The following ACTN1 variants were observed in gnomAD, a reference collection of about 807,000 sequenced individuals.
ACTN1 encodes the protein alpha-actinin-1.
In ACTN1, 30 loss-of-function variants were observed where a neutral mutation model predicts 119.6. That is an observed-to-expected ratio of 0.25 (90% CI 0.19 to 0.34). The LOEUF is 0.34. Among genes scored for constraint, ACTN1 ranks in the 10% least tolerant of loss-of-function variants. The pLI is 1.00. For missense variants in ACTN1, 764 were observed against 1,223.4 expected, an observed-to-expected ratio of 0.62 and a Z score of 5.60; for synonymous variants, 429 against 472.6, an observed-to-expected ratio of 0.91 and a Z score of 1.20.
At chr14:68,969,978 G>T (rs1300016555) in intron 1 of ACTN1, among the ~76,000 whole-genome samples, 2 of 152,080 alleles carry the variant, frequency 1.3e-5, no homozygotes, top group African/African-American at 4.8e-5. Flanking sequence ...CAGATGATTT[G>T]AAAATAGAGC....
chr14:68,977,119 G>A (rs1374354814), intron 1 of ACTN1, among the ~76,000 whole-genome samples: 2 of 152,170 alleles, frequency 1.3e-5, no homozygotes, highest in African/African-American at 4.8e-5. Flanking sequence ...CAAAGCAGGT[G>A]CTCCCTAAGC....
At chr14:68,929,381 C>A (rs1050701205) in intron 1 of ACTN1, among the ~76,000 whole-genome samples, 1 of 152,118 alleles carries the variant, frequency 6.6e-6, no homozygotes, top group Non-Finnish European at 1.5e-5. Context: ...CCAGCCTGGA[C>A]GCCCAGCGTG....
chr14:68,944,928 C>T (rs973742041), intron 1 of ACTN1, among the ~76,000 whole-genome samples: 1 of 148,690 alleles, frequency 6.7e-6, no homozygotes, highest in Non-Finnish European at 1.5e-5. Flanking sequence ...TCACCCTATG[C>T]GTGTGTGGAG....
At chr14:68,966,172 A>G (rs1405690887) in intron 1 of ACTN1, among the ~76,000 whole-genome samples, 2 of 152,186 alleles carry the variant, frequency 1.3e-5, no homozygotes, top group Non-Finnish European at 2.9e-5. Context: ...AGCTGAGATC[A>G]TGCCACTGCA....
chr14:68,971,942 C>CA (rs2036901595), intron 1 of ACTN1, among the ~76,000 whole-genome samples: 1 of 152,308 alleles, frequency 6.6e-6, no homozygotes, highest in African/African-American at 2.4e-5. Flanking sequence ...AGGCAACCTC[C>CA]AAGAGTGGTA....
At chr14:68,961,047 G>A (rs975336104) in intron 1 of ACTN1, among the ~76,000 whole-genome samples, 2 of 152,138 alleles carry the variant, frequency 1.3e-5, no homozygotes, top group South Asian at 4.2e-4. Flanking sequence ...GCCAGCCTGG[G>A]TAACAGAGTG....
At position 68,877,200 on chromosome 14, in the gene ACTN1, G is replaced by C; in HGVS notation, c.2468C>G (p.Pro823Arg). ...EFARIMSIVDPNRLGVVTFQA... is the reference protein window; with the variant it reads ...EFARIMSIVDRNRLGVVTFQA... ...GAATGTCACTACCCCCAGGCGGTTG[G>C]GGTCCACAATGCTCATGATGCGGGC... The change falls in exon 21 of 22, where the codon CCC (proline) becomes CGC (arginine). Residue 823 changes from proline (P) to arginine (R), a missense_variant. Around this residue, in one of 4 missense-constraint regions of ACTN1, gnomAD observed 544 missense variants for 912.0 expected, o/e 0.60. Transcript: ENST00000394419. The C allele has an allele frequency of 6.2e-7, 1 of 1,614,170 alleles. No homozygotes were observed. The highest frequency in any genetic ancestry group is 8.5e-7 in the Non-Finnish European group (1 of 1,180,024).
chr14:68,921,925 T>C (rs2034672077), intron 2 of ACTN1, among the ~76,000 whole-genome samples: 1 of 152,092 alleles, frequency 6.6e-6, no homozygotes, highest in Non-Finnish European at 1.5e-5. Context: ...GGTCAGAACC[T>C]TTGAGAAAAT....
At chr14:68,897,131 T>C (rs58940034) in intron 8 of ACTN1, among the ~76,000 whole-genome samples, 21,909 of 152,056 alleles carry the variant, frequency 0.14, 1,798 homozygotes, top group African/African-American at 0.21. Flanking sequence ...TACAGGTGCA[T>C]GCGCCACTAT....
Position 68,979,104 on chromosome 14 carries a change from C to A in ACTN1, c.-48G>T. On this transcript the variant is annotated 5_prime_UTR_variant, in exon 1 of 22. Coordinates refer to ENST00000394419, the MANE Select transcript of ACTN1 (RefSeq NM_001130004.2). ...CTGGATTTCTTCCTCCACCTTCTCT[C>A]TGAGCAACGGCTGCTGCCCTGGCGT... is the stretch of plus-strand genomic sequence containing the variant. 7.6e-7 allele frequency: 1 copy of A among 1,322,806 alleles called. No individual in the cohort carries two copies. The highest frequency in any genetic ancestry group is 1.2e-5 in the South Asian group (1 of 81,782). The allele number at this position is 1,322,806 out of a possible 1,614,324, so 81.9% of individuals were successfully genotyped here. A position where few individuals can be genotyped will look rare whatever the true frequency, so the allele number is the denominator to read the frequency against.
At chr14:68,956,020 C>G (rs1456782164) in intron 1 of ACTN1, among the ~76,000 whole-genome samples, 2 of 152,114 alleles carry the variant, frequency 1.3e-5, no homozygotes, top group Non-Finnish European at 2.9e-5. Flanking sequence ...CAGCTGGAGC[C>G]AGGCACAGTG....
Position 68,884,872 on chromosome 14 carries a change from T to C in ACTN1, c.1397A>G (p.Tyr466Cys), listed in dbSNP as rs762425067. 7 of 1,613,634 alleles carry C rather than the reference T, an allele frequency of 4.3e-6. No individual in the cohort carries two copies. Among genetic ancestry groups the C allele is most frequent in the Admixed American group, 3.3e-5 (2 of 60,024 alleles). ...GGCGTTGACACTGGGTGAGTCATAATAGTCCAGCTCACTGGGGAGGGAAGA... is the reference window on the plus strand; with the variant it reads ...GGCGTTGACACTGGGTGAGTCATAACAGTCCAGCTCACTGGGGAGGGAAGA... ...AIAQELNELD[Y>C]YDSPSVNARC... Residue 466 changes from tyrosine (Y) to cysteine (C), a missense_variant, in exon 13 of 22, where the codon TAT (tyrosine) becomes TGT (cysteine). Tyr to Cys is a radical substitution (Grantham distance 194). Coordinates refer to ENST00000394419, the MANE Select transcript of ACTN1 (RefSeq NM_001130004.2).
chr14:68,963,975 G>A (rs188971943), intron 1 of ACTN1, among the ~76,000 whole-genome samples: 9 of 152,282 alleles, frequency 5.9e-5, no homozygotes, highest in Admixed American at 5.9e-4. Flanking sequence ...TGGATAAAGA[G>A]AGAAATCAGA....
In ACTN1 at chr14:68,909,705, T is replaced by C. The variant is rs1315142326; in HGVS notation, c.515+250A>G. ...GGCTGGGACTTCCTGGACAATTTCC[T>C]TGGGGGCGCTCCCAGTAGCAAAAGC... On this transcript the variant is annotated intron_variant, in intron 5 of 21. Coordinates refer to ENST00000394419, the MANE Select transcript of ACTN1 (RefSeq NM_001130004.2). The surrounding 1 kb of genome is among the most constrained non-coding windows in gnomAD (Gnocchi z 4.1). Among the ~76,000 whole-genome samples the C allele has an allele frequency of 6.6e-6, 1 of 152,158 alleles. No homozygotes were observed. Among genetic ancestry groups the C allele is most frequent in the Admixed American group, 6.5e-5 (1 of 15,272 alleles).
At chr14:68,938,124 G>A (rs1454792432) in intron 1 of ACTN1, among the ~76,000 whole-genome samples, 1 of 152,108 alleles carries the variant, frequency 6.6e-6, no homozygotes, top group Non-Finnish European at 1.5e-5. Flanking sequence ...ACTTATCAGG[G>A]GCTGACTGCC....
intron 8 of ACTN1, among the ~76,000 whole-genome samples, chr14:68,895,133 G>T (rs914775260): frequency 6.6e-6 from 1 of 152,054 alleles, no homozygotes; most frequent in East Asian, 1.9e-4. Flanking sequence ...TGTCAGAATG[G>T]GTTGGGAGAA....
intron 1 of ACTN1, among the ~76,000 whole-genome samples, chr14:68,968,264 C>T (rs1349466133): frequency 4.6e-5 from 7 of 152,194 alleles, no homozygotes; most frequent in Admixed American, 2.0e-4. Flanking sequence ...GTGTAACATA[C>T]GAACGCCACC....
chr14:68,885,699 G>T lies in ACTN1; in HGVS notation c.1235-124C>A. On this transcript the variant is annotated intron_variant, in intron 11 of 21. Transcript: ENST00000394419. This position sits in a 1 kb window ranked among gnomAD's most constrained non-coding sequence, Gnocchi z 5.6. ...GGTGCTTCTCAAGGAGGTGCCCATTGTGCAGGGATCTGCAGGGTGCAAAAG... is the reference window on the plus strand; with the variant it reads ...GGTGCTTCTCAAGGAGGTGCCCATTTTGCAGGGATCTGCAGGGTGCAAAAG... 1.7e-6 allele frequency: 2 copies of T among 1,178,978 alleles called. No individual in the cohort carries two copies. The highest frequency in any genetic ancestry group is 2.4e-6 in the Non-Finnish European group (2 of 848,684). The allele number at this position is 1,178,978 out of a possible 1,614,324, so 73.0% of individuals were successfully genotyped here.
intron 1 of ACTN1, among the ~76,000 whole-genome samples, chr14:68,958,147 C>T (rs1205907158): frequency 1.3e-5 from 2 of 152,158 alleles, no homozygotes; most frequent in Admixed American, 6.5e-5. Context: ...ACATTTCCTC[C>T]CAAACATTTA....
Sources: gnomAD v4.1 joint callset for allele counts (sites outside exome capture counted in the v4.1 genomes callset) on GRCh38, gnomAD v4.1.1 for gene constraint, gnomAD v4.1.1 regional missense constraint, Gnocchi (gnomAD v3.1) non-coding constraint, MANE v1.5 for transcripts, NCBI Gene and HGNC (gene_info 2026-07-23, HGNC 2026-07-21) for gene names.